Variants in HDAC8 observed in about 807,000 individuals in gnomAD.
HDAC8 encodes histone deacetylase 8.
A neutral mutation model predicts 32.2 loss-of-function variants in HDAC8; 1 was observed. The observed-to-expected ratio is 0.03, with a 90% confidence interval of 0.01 to 0.15. The LOEUF (loss-of-function observed/expected upper bound fraction) is 0.15. Among genes scored for constraint, HDAC8 ranks in the 10% least tolerant of loss-of-function variants. The pLI, the probability that HDAC8 is intolerant of heterozygous loss-of-function variation, is 1.00. For missense variants in HDAC8, 117 were observed against 300.0 expected (o/e 0.39, Z 4.51); for synonymous variants, 108 against 113.9 (o/e 0.95, Z 0.33).
chrX:72,416,840 A>G (rs1555971964), intron 9 of HDAC8, among the ~76,000 whole-genome samples: 1 of 109,992 alleles, frequency 9.1e-6, no homozygotes, highest in African/African-American at 3.3e-5. Flanking sequence ...GTGTTTGGCA[A>G]TTATCCTGTT....
At chrX:72,333,326 G>C (rs2147670332) in intron 10 of HDAC8, among the ~76,000 whole-genome samples, 1 of 111,750 alleles carries the variant, frequency 8.9e-6, no homozygotes, top group Non-Finnish European at 1.9e-5. Flanking sequence ...CCTCTTATCT[G>C]GTCCTCCTGC....
intron 9 of HDAC8, among the ~76,000 whole-genome samples, chrX:72,431,151 T>C (rs1318008611): frequency 2.7e-5 from 3 of 111,129 alleles, no homozygotes; most frequent in Non-Finnish European, 5.7e-5. Context: ...TTGAACCCTC[T>C]TTCTCCATCA....
chrX:72,507,175 C>T (rs916100594), intron 4 of HDAC8, among the ~76,000 whole-genome samples: 1 of 110,549 alleles, frequency 9.0e-6, no homozygotes, highest in Non-Finnish European at 1.9e-5. Flanking sequence ...TTATTGCCAT[C>T]CCTCTTTTAA....
At chrX:72,358,335 G>C in intron 9 of HDAC8, among the ~76,000 whole-genome samples, 1 of 111,614 alleles carries the variant, frequency 9.0e-6, no homozygotes, top group South Asian at 3.8e-4. Context: ...GTACTTTATG[G>C]TTTCTCTTTG....
rs4825950 is a variant in HDAC8 at position 72,470,400 on chromosome X, G to A, written c.738-5669C>T. On this transcript the variant is annotated intron_variant, in intron 7 of 10. Coordinates refer to ENST00000373573, the MANE Select transcript of HDAC8 (RefSeq NM_018486.3). ...TTACCTCTTTTCTCTACCTGAAAAT[G>A]TCCTCCATCATATTTCTTCTACCTT... Among the ~76,000 whole-genome samples, 6,608 of 110,557 alleles carry A rather than the reference G, an allele frequency of 0.06. 834 individuals are homozygous for A. In the East Asian group the frequency reaches 0.73, roughly 12 times the overall value.
Position 72,475,999 on chromosome X carries a change from C to G in HDAC8, c.738-11268G>C, listed in dbSNP as rs782666127. On this transcript the variant is annotated intron_variant, in intron 7 of 10. Transcript: ENST00000373573. Reference sequence around the variant, plus strand: ...CTAACACGCCTTGTAGTAGGTAATTCTACTCATCAATTACGTGTCACCTTG... The same window carrying G: ...CTAACACGCCTTGTAGTAGGTAATTGTACTCATCAATTACGTGTCACCTTG... Among the ~76,000 whole-genome samples, 14 of 111,142 alleles carry G rather than the reference C, an allele frequency of 1.3e-4. No homozygotes were observed. In the South Asian group the frequency reaches 3.1e-3, roughly 25 times the overall value.
chrX:72,405,435 G>A (rs782564296), intron 9 of HDAC8, among the ~76,000 whole-genome samples: 10 of 112,163 alleles, frequency 8.9e-5, no homozygotes, highest in Non-Finnish European at 1.1e-4. Context: ...GAATATACAC[G>A]TACATGTGTC....
Position 72,351,719 on chromosome X carries a change from G to A in HDAC8, c.1111+14C>T. 2.6e-6 allele frequency: 3 copies of A among 1,169,040 alleles called. No individual in the cohort carries two copies. The highest frequency in any genetic ancestry group is 3.5e-6 in the Non-Finnish European group (3 of 857,127). On this transcript the variant is annotated intron_variant, in intron 10 of 10. Transcript: ENST00000373573. ...GTGGAACAAGGAGGGCAGGCCTCGA[G>A]GGGCGGTGCTCACCTTTGATGTAGT...
At chrX:72,388,910 G>C (rs1460487755) in intron 9 of HDAC8, among the ~76,000 whole-genome samples, 2 of 111,771 alleles carry the variant, frequency 1.8e-5, no homozygotes, top group African/African-American at 6.5e-5. Flanking sequence ...CCTTGATCTT[G>C]GACTTCCAGC....
chrX:72,482,242 A>G (rs1569332357), intron 7 of HDAC8, among the ~76,000 whole-genome samples: 1 of 111,559 alleles, frequency 9.0e-6, no homozygotes, highest in East Asian at 2.8e-4. Flanking sequence ...ATTTTTAGCT[A>G]TACTCATCTA....
At chrX:72,399,744 G>A (rs900093039) in intron 9 of HDAC8, among the ~76,000 whole-genome samples, 2 of 112,075 alleles carry the variant, frequency 1.8e-5, no homozygotes, top group Admixed American at 9.4e-5. Flanking sequence ...TTTCAATAAA[G>A]TTTTATAATT....
chrX:72,396,257 G>T (rs1324093021), intron 9 of HDAC8, among the ~76,000 whole-genome samples: 1 of 112,256 alleles, frequency 8.9e-6, no homozygotes, highest in Non-Finnish European at 1.9e-5. Context: ...CCATGACAAT[G>T]TTGGCAGGCT....
intron 4 of HDAC8, among the ~76,000 whole-genome samples, chrX:72,525,130 C>T (rs185066095): frequency 1.8e-5 from 2 of 112,296 alleles, no homozygotes; most frequent in East Asian, 5.6e-4. Context: ...CTGTCTTGCC[C>T]GCCACTCACC....
intron 9 of HDAC8, among the ~76,000 whole-genome samples, chrX:72,388,811 C>A (rs1486840031): frequency 9.0e-6 from 1 of 111,340 alleles, no homozygotes; most frequent in Non-Finnish European, 1.9e-5. Context: ...TGCAAACACA[C>A]CAAGGAAAGG....
intron 9 of HDAC8, among the ~76,000 whole-genome samples, chrX:72,418,077 T>A (rs544354215): frequency 1.8e-5 from 2 of 111,725 alleles, no homozygotes; most frequent in African/African-American, 6.5e-5. Flanking sequence ...GCATTAAATA[T>A]TTAAATGTAA....
chrX:72,479,561 CA>C (rs1363765387), intron 7 of HDAC8, among the ~76,000 whole-genome samples: 7 of 111,866 alleles, frequency 6.3e-5, no homozygotes, highest in African/African-American at 2.3e-4. Context: ...GTCAGCATAA[CA>C]AGAGACCAGA....
rs1032661445 is a variant in HDAC8, at chrX:72,562,985, G to A, written c.437+4904C>T. The stretch of plus-strand genomic sequence containing the variant: ...CAACCTCTGCCTCCTGGGTTCAAGC[G>A]ATTCTCCTGCCTCAGCCTCCCGAGT... On this transcript the variant is annotated intron_variant, in intron 4 of 10. Coordinates refer to ENST00000373573, the MANE Select transcript of HDAC8 (RefSeq NM_018486.3). 8.4e-5 allele frequency among the ~76,000 whole-genome samples: 9 copies of A among 107,344 alleles called. No homozygotes were observed. In the South Asian group the frequency reaches 1.7e-3, roughly 20 times the overall value. 93.2% of individuals were successfully genotyped at this position (107,344 alleles called of 115,157 possible).
At chrX:72,398,825 T>C (rs1555966425) in intron 9 of HDAC8, among the ~76,000 whole-genome samples, 2 of 109,732 alleles carry the variant, frequency 1.8e-5, no homozygotes, top group African/African-American at 6.6e-5. Context: ...TACTCTCTTC[T>C]TTTATAGTCG....
At chrX:72,406,438 C>T (rs2046040361) in intron 9 of HDAC8, among the ~76,000 whole-genome samples, 1 of 111,055 alleles carries the variant, frequency 9.0e-6, no homozygotes, top group Admixed American at 9.6e-5. Flanking sequence ...GCCATGTTGC[C>T]CAGGCTGGTC....
Sources: gnomAD v4.1 joint callset for allele counts (sites outside exome capture counted in the v4.1 genomes callset) on GRCh38, gnomAD v4.1.1 for gene constraint, MANE v1.5 for transcripts, NCBI Gene and HGNC (gene_info 2026-07-23, HGNC 2026-07-21) for gene names.